Variants in TERT observed in about 807,000 individuals in gnomAD.
TERT encodes telomerase catalytic subunit.
A neutral mutation model predicts 104.0 loss-of-function variants in TERT; 42 were observed. That is an observed-to-expected ratio of 0.40 (90% CI 0.32 to 0.52). The LOEUF (loss-of-function observed/expected upper bound fraction) is 0.52, where lower values mean the gene tolerates loss of function less well. TERT is among the 20% of genes least tolerant of loss of function. The probability of loss-of-function intolerance (pLI) is 0.43; values close to 1 mark genes in which losing one functional copy is unlikely to be tolerated. For synonymous variants in TERT, 781 were observed against 725.6 expected (o/e 1.08, Z -1.23); for missense variants, 1,101 against 1,610.3 (o/e 0.68, Z 5.41).
rs1179678345 is a variant in TERT, at chr5:1,274,065, C to G, written c.2287-1785G>C. Among the ~76,000 whole-genome samples the G allele has an allele frequency of 6.6e-6, 1 of 152,242 alleles. No homozygotes were observed. The highest frequency in any genetic ancestry group is 2.4e-5 in the African/African-American group (1 of 41,472). On this transcript the variant is annotated intron_variant, in intron 6 of 15. Coordinates refer to ENST00000310581, the MANE Select transcript of TERT (RefSeq NM_198253.3). This position sits in a 1 kb window ranked among gnomAD's most constrained non-coding sequence, Gnocchi z 5.3. ...CTGCGTCCCCAAGACAGGATGTGAG[C>G]AGGCACGTGACACACACTAACACGG... is the stretch of plus-strand genomic sequence containing the variant.
chr5:1,271,024 A>T, intron 8 of TERT, 95 bp downstream of exon 8: 2 of 1,012,000 alleles, frequency 2.0e-6, no homozygotes, highest in South Asian at 2.7e-5. Flanking sequence ...CCCGGGCAGA[A>T]GGGCAGTGGG....
In TERT at chr5:1,294,013, G is replaced by A. The variant is rs1554042931; in HGVS notation, c.873C>T (p.Gly291=). Reference sequence around the variant, plus strand: ...CCACGGATGGGTGGGAGTGGCGCGTGCCAGAGAGCGCACCCTCCAAAGAGG... The same window carrying A: ...CCACGGATGGGTGGGAGTGGCGCGTACCAGAGAGCGCACCCTCCAAAGAGG... The part of the protein sequence containing the change: ...EATSLEGALS[G]TRHSHPSVGR... Residue 291 remains glycine (G), a synonymous_variant, in exon 2 of 16, where the codon GGC becomes GGT. Transcript: ENST00000310581. 2 of 1,588,524 alleles carry A rather than the reference G, an allele frequency of 1.3e-6. No individual in the cohort carries two copies. Among genetic ancestry groups the A allele is most frequent in the Admixed American group, 3.5e-5 (2 of 57,436 alleles).
At chr5:1,291,909 G>C (rs112658679) in intron 2 of TERT, among the ~76,000 whole-genome samples, 2 of 152,328 alleles carry the variant, frequency 1.3e-5, no homozygotes, top group African/African-American at 4.8e-5. Flanking sequence ...AAGCAAAACT[G>C]GGTTGCATGA....
Position 1,286,642 on chromosome 5 carries a change from C to T in TERT, c.1574-4018G>A, listed in dbSNP as rs907834841. ...CCTGTAATCCCAGCACTGTGGGAGG[C>T]CAAGGCGGGCAGATCACTTGAGGTC... On this transcript the variant is annotated intron_variant, in intron 2 of 15. Coordinates refer to ENST00000310581, the MANE Select transcript of TERT (RefSeq NM_198253.3). This position sits in a 1 kb window ranked among gnomAD's most constrained non-coding sequence, Gnocchi z 5.3. Among the ~76,000 whole-genome samples the T allele has an allele frequency of 1.3e-5, 2 of 152,094 alleles. No individual in the cohort carries two copies. Among genetic ancestry groups the T allele is most frequent in the African/African-American group, 4.8e-5 (2 of 41,396 alleles).
chr5:1,272,162 A>G, intron 7 of TERT, 23 bp downstream of exon 7: 1 of 1,587,162 alleles, frequency 6.3e-7, no homozygotes, highest in African/African-American at 1.3e-5. Context: ...TCCGTGCCCA[A>G]CCCTGCAGGG....
rs1480661941 is a variant in TERT, at chr5:1,261,465, G to C, written c.2844-865C>G. Reference sequence around the variant, plus strand: ...GGTCACTTCAGAAGTGGAATTACTGGGAAGACACAGGACATTGTGAGGACT... The same window carrying C: ...GGTCACTTCAGAAGTGGAATTACTGCGAAGACACAGGACATTGTGAGGACT... On this transcript the variant is annotated intron_variant, in intron 11 of 15. Coordinates refer to ENST00000310581, the MANE Select transcript of TERT (RefSeq NM_198253.3). This position sits in a 1 kb window ranked among gnomAD's most constrained non-coding sequence, Gnocchi z 7.4. Among the ~76,000 whole-genome samples, 1 of 152,156 alleles carries C rather than the reference G, an allele frequency of 6.6e-6. No homozygotes were observed. Among genetic ancestry groups the C allele is most frequent in the Non-Finnish European group, 1.5e-5 (1 of 68,036 alleles).
intron 3 of TERT, among the ~76,000 whole-genome samples, chr5:1,281,524 A>G (rs990818465): frequency 2.0e-5 from 3 of 152,210 alleles, no homozygotes; most frequent in African/African-American, 7.2e-5. Flanking sequence ...CCAGGCTGGC[A>G]TCTCCCAGAC....
intron 3 of TERT, among the ~76,000 whole-genome samples, chr5:1,281,213 C>T (rs967055120): frequency 6.6e-6 from 1 of 152,260 alleles, no homozygotes; most frequent in South Asian, 2.1e-4. Flanking sequence ...CGTGTAAAGT[C>T]TAAGTAAGGT....
At chr5:1,258,166 T>G (rs887415946) in intron 13 of TERT, among the ~76,000 whole-genome samples, 1 of 151,966 alleles carries the variant, frequency 6.6e-6, no homozygotes, top group Non-Finnish European at 1.5e-5. Flanking sequence ...TTCCCGGGGG[T>G]GGGGCCAGCG....
At chr5:1,260,343 T>A (rs1400066849) in intron 12 of TERT, 131 bp downstream of exon 12, 1 of 1,423,206 alleles carries the variant, frequency 7.0e-7, no homozygotes, top group Non-Finnish European at 9.8e-7. Flanking sequence ...CACGTGTATA[T>A]GCGTACATGT....
intron 2 of TERT, among the ~76,000 whole-genome samples, chr5:1,285,311 TC>T (rs1360221131): frequency 1.3e-5 from 2 of 149,022 alleles, no homozygotes; most frequent in African/African-American, 5.0e-5. Context: ...GGCGACCTCA[TC>T]CCGGACCTGC....
chr5:1,287,844 A>G lies in TERT; in HGVS notation c.1574-5220T>C, dbSNP rs544476370. On this transcript the variant is annotated intron_variant, in intron 2 of 15. Coordinates refer to ENST00000310581, the MANE Select transcript of TERT (RefSeq NM_198253.3). The surrounding 1 kb of genome is among the most constrained non-coding windows in gnomAD (Gnocchi z 4.3). Reference sequence around the variant, plus strand: ...GACCTTAATAAGCTGGATATAGTGAACATGCATGCCCACTATTGACAGGAT... The same window carrying G: ...GACCTTAATAAGCTGGATATAGTGAGCATGCATGCCCACTATTGACAGGAT... 6.6e-6 allele frequency among the ~76,000 whole-genome samples: 1 copy of G among 152,092 alleles called. No homozygotes were observed. Among genetic ancestry groups the G allele is most frequent in the Non-Finnish European group, 1.5e-5 (1 of 68,010 alleles).
intron 6 of TERT, among the ~76,000 whole-genome samples, chr5:1,275,365 G>A (rs1230210876): frequency 6.8e-6 from 1 of 146,186 alleles, no homozygotes; most frequent in Admixed American, 6.9e-5. Flanking sequence ...AAAAGAGCGA[G>A]ACTCTGTTAT....
In TERT at chr5:1,253,959, G is replaced by A. The variant is rs1014650243; in HGVS notation, c.3296-128C>T. 13 of 1,026,894 alleles carry A rather than the reference G, an allele frequency of 1.3e-5. No individual in the cohort carries two copies. The Admixed American group carries it at 2.6e-4, about 20-fold the overall frequency. 63.6% of individuals were successfully genotyped at this position (1,026,894 alleles called of 1,614,324 possible). A position where few individuals can be genotyped will look rare whatever the true frequency, so the allele number is the denominator to read the frequency against. Reference sequence around the variant, plus strand: ...GTGGCCCTGGCTGGTGGGAACCTCAGTGAAGGGACAGACACCCCTCCACCG... The same window carrying A: ...GTGGCCCTGGCTGGTGGGAACCTCAATGAAGGGACAGACACCCCTCCACCG... On this transcript the variant is annotated intron_variant, in intron 15 of 15. Transcript: ENST00000310581.
chr5:1,276,197 ACC>A (rs958675416), intron 6 of TERT, among the ~76,000 whole-genome samples: 5 of 145,406 alleles, frequency 3.4e-5, no homozygotes, highest in Admixed American at 2.8e-4. Context: ...GTCCCCACCT[ACC>A]CCACACATAG....
At position 1,270,955 on chromosome 5, in the gene TERT, G is replaced by A. The variant is rs1001813453; in HGVS notation, c.2468+164C>T. Among the ~76,000 whole-genome samples, 4 of 152,194 alleles carry A rather than the reference G, an allele frequency of 2.6e-5. No individual in the cohort carries two copies. The highest frequency in any genetic ancestry group is 1.9e-4 in the East Asian group (1 of 5,182). On this transcript the variant is annotated intron_variant, in intron 8 of 15. Coordinates refer to ENST00000310581, the MANE Select transcript of TERT (RefSeq NM_198253.3). The surrounding 1 kb of genome is among the most constrained non-coding windows in gnomAD (Gnocchi z 8.3). ...AGCCGAGCCATGTTTCCGGGGCCTC[G>A]GGAGCCTGCAGCCCAGGAGCCGGAG...
rs1036373728 is a variant in TERT, at chr5:1,260,230, T to C, written c.2970+244A>G. On this transcript the variant is annotated intron_variant, in intron 12 of 15. Transcript: ENST00000310581. The stretch of plus-strand genomic sequence containing the variant: ...CCACACGACTGTGCACGAACACACA[T>C]GCATGTCAGGTGTGCATTCGCATGT... Among the ~76,000 whole-genome samples the C allele has an allele frequency of 7.2e-5, 11 of 152,208 alleles. 1 individual carries two copies. Among genetic ancestry groups the C allele is most frequent in the Admixed American group, 5.2e-4 (8 of 15,284 alleles).
rs919793127 is a variant in TERT at position 1,270,928 on chromosome 5, C to G, written c.2468+191G>C. On this transcript the variant is annotated intron_variant, in intron 8 of 15. Coordinates refer to ENST00000310581, the MANE Select transcript of TERT (RefSeq NM_198253.3). The surrounding 1 kb of genome is among the most constrained non-coding windows in gnomAD (Gnocchi z 8.3). ...GGCACCTGCTCCGCTCCGGCTGCCG[C>G]AAGCCGAGCCATGTTTCCGGGGCCT... Among the ~76,000 whole-genome samples, 5 of 152,224 alleles carry G rather than the reference C, an allele frequency of 3.3e-5. No individual in the cohort carries two copies. Among genetic ancestry groups the G allele is most frequent in the African/African-American group, 1.2e-4 (5 of 41,464 alleles).
Position 1,293,951 on chromosome 5 carries a change from C to G in TERT, c.935G>C (p.Arg312Pro), listed in dbSNP as rs752511903. Residue 312 changes from arginine (R) to proline (P), a missense_variant, in exon 2 of 16, where the codon CGG (arginine) becomes CCG (proline). Around this residue, in one of 5 missense-constraint regions of TERT, gnomAD observed 504 missense variants for 544.6 expected, o/e 0.93. Transcript: ENST00000310581. Reference protein sequence around the residue: ...QHHAGPPSTSRPPRPWDTPCP... With the variant: ...QHHAGPPSTSPPPRPWDTPCP... The stretch of plus-strand genomic sequence containing the variant: ...AGGCGTGTCCCAGGGACGTGGTGGC[C>G]GCGATGTGGATGGGGGGCCCGCGTG... 1 of 1,548,966 alleles carries G rather than the reference C, an allele frequency of 6.5e-7. No individual in the cohort carries two copies. The highest frequency in any genetic ancestry group is 8.7e-7 in the Non-Finnish European group (1 of 1,149,984).
Sources: allele counts gnomAD v4.1 joint callset (sites outside exome capture counted in the v4.1 genomes callset), GRCh38; gene constraint gnomAD v4.1.1; regional missense constraint gnomAD v4.1.1; non-coding constraint Gnocchi (gnomAD v3.1); transcripts MANE v1.5; gene names NCBI Gene and HGNC (gene_info 2026-07-23, HGNC 2026-07-21).